FAM81A: variants seen among roughly 807,000 people sequenced by gnomAD.
The protein encoded by FAM81A is family with sequence similarity 81 member A.
In FAM81A, 19 loss-of-function variants were observed where a neutral mutation model predicts 46.7. The observed-to-expected ratio is 0.41, with a 90% CI of 0.28 to 0.60. The LOEUF is 0.60. FAM81A is among the 20% of genes least tolerant of loss of function. The probability of loss-of-function intolerance (pLI) is 0.34; values close to 1 mark genes in which losing one functional copy is unlikely to be tolerated. For missense variants in FAM81A, 377 were observed against 453.5 expected (o/e 0.83, Z 1.53); for synonymous variants, 183 against 152.9 (o/e 1.20, Z -1.45).
At chr15:59,426,409 C>T (rs2081194602) in intron 2 of FAM81A, among the ~76,000 whole-genome samples, 1 of 152,156 alleles carries the variant, frequency 6.6e-6, no homozygotes, top group Non-Finnish European at 1.5e-5. Flanking sequence ...AGTTCAAGAC[C>T]AGCCTGACCA....
chr15:59,457,802 A>G (rs1202565972), intron 1 of FAM81A, among the ~76,000 whole-genome samples: 1 of 152,228 alleles, frequency 6.6e-6, no homozygotes, highest in African/African-American at 2.4e-5. Flanking sequence ...ATGAGAATTA[A>G]TTATGGAATC....
intron 1 of FAM81A, among the ~76,000 whole-genome samples, chr15:59,451,356 G>A (rs529493143): frequency 2.0e-5 from 3 of 152,234 alleles, no homozygotes; most frequent in South Asian, 2.1e-4. Flanking sequence ...TTATCTTTAC[G>A]GCTAATGTCA....
intron 4 of FAM81A, among the ~76,000 whole-genome samples, chr15:59,497,772 A>G (rs575514205): frequency 1.2e-4 from 18 of 152,312 alleles, no homozygotes; most frequent in Non-Finnish European, 1.8e-4. Flanking sequence ...CTGTAGTTGC[A>G]GGGAGCTATG....
intron 3 of FAM81A, among the ~76,000 whole-genome samples, chr15:59,482,986 AG>A (rs1206693053): frequency 6.6e-6 from 1 of 152,184 alleles, no homozygotes; most frequent in African/African-American, 2.4e-5. Flanking sequence ...ATTGAGAAAA[AG>A]CTGGAAGCTA....
chr15:59,468,623 C>G, intron 3 of FAM81A, among the ~76,000 whole-genome samples: 1 of 150,270 alleles, frequency 6.7e-6, no homozygotes, highest in Non-Finnish European at 1.5e-5. Context: ...GTCTTGCTAG[C>G]AGTCTATCAA....
At chr15:59,401,951 C>G in intron 1 of FAM81A, 1 of 729,098 alleles carries the variant, frequency 1.4e-6, no homozygotes, top group Non-Finnish European at 2.5e-6. Flanking sequence ...CATGGTAATC[C>G]AAACAGTATC....
At chr15:59,408,101 G>A (rs575155876) in intron 2 of FAM81A, 37 of 161,298 alleles carry the variant, frequency 2.3e-4, no homozygotes, top group Middle Eastern at 2.9e-3. Context: ...GCTTCTTCGC[G>A]ACAGCAGCAG....
intron 3 of FAM81A, among the ~76,000 whole-genome samples, chr15:59,463,169 T>A (rs2081573039): frequency 1.3e-5 from 2 of 152,198 alleles, no homozygotes; most frequent in African/African-American, 2.4e-5. Flanking sequence ...GTGAACCATT[T>A]TGAGGTAATT....
At chr15:59,404,875 G>A (rs1209788295) in intron 2 of FAM81A, among the ~76,000 whole-genome samples, 2 of 152,194 alleles carry the variant, frequency 1.3e-5, no homozygotes, top group African/African-American at 4.8e-5. Flanking sequence ...CTCATGGCCA[G>A]TAAAGCTAGT....
rs560597005 is a variant in FAM81A at position 59,510,044 on chromosome 15, T to C, written c.650+1075T>C. The stretch of plus-strand genomic sequence containing the variant: ...GAGAATGGCAGACAAGCATACAGAA[T>C]TGATGAAAGAGAAATCTCAAACTTA... On this transcript the variant is annotated intron_variant, in intron 6 of 8. Transcript: ENST00000288228. 5.3e-5 allele frequency among the ~76,000 whole-genome samples: 8 copies of C among 152,036 alleles called. No individual in the cohort carries two copies. The South Asian group carries it at 1.5e-3, about 28-fold the overall frequency.
At chr15:59,461,406 G>A (rs967949645) in intron 3 of FAM81A, among the ~76,000 whole-genome samples, 7 of 151,998 alleles carry the variant, frequency 4.6e-5, no homozygotes, top group African/African-American at 1.5e-4. Flanking sequence ...CTGCATCGGC[G>A]TCCCAAGTAG....
intron 2 of FAM81A, among the ~76,000 whole-genome samples, chr15:59,414,051 T>C (rs960199565): frequency 2.6e-5 from 4 of 152,112 alleles, no homozygotes; most frequent in African/African-American, 4.8e-5. Flanking sequence ...TCTCCCGGGT[T>C]CAAGCGATTC....
At chr15:59,413,732 C>A (rs2081132952) in intron 2 of FAM81A, among the ~76,000 whole-genome samples, 1 of 152,002 alleles carries the variant, frequency 6.6e-6, no homozygotes, top group African/African-American at 2.4e-5. Context: ...CCAGCCTGGG[C>A]AGCATAGTGA....
chr15:59,401,770 AT>A (rs57470869), intron 1 of FAM81A: 123,501 of 684,204 alleles, frequency 0.18, 2,701 homozygotes, highest in East Asian at 0.31. Flanking sequence ...TCTTTTCAGC[AT>A]TTTTTTTTTT....
chr15:59,416,048 G>C (rs991088466), intron 2 of FAM81A, among the ~76,000 whole-genome samples: 2 of 152,204 alleles, frequency 1.3e-5, no homozygotes. Context: ...ACTTTGGAAA[G>C]TTTCAAACCA....
At chr15:59,479,678 G>T (rs1355294199) in intron 3 of FAM81A, among the ~76,000 whole-genome samples, 1 of 152,010 alleles carries the variant, frequency 6.6e-6, no homozygotes. Context: ...AAGTTCCAAG[G>T]CCATAAGTAG....
At chr15:59,491,052 C>T (rs1264432010) in intron 3 of FAM81A, among the ~76,000 whole-genome samples, 1 of 152,094 alleles carries the variant, frequency 6.6e-6, no homozygotes, top group African/African-American at 2.4e-5. Flanking sequence ...TTCAGCAATC[C>T]CACTGCTAGG....
At chr15:59,469,854 C>T (rs558298671) in intron 3 of FAM81A, among the ~76,000 whole-genome samples, 4 of 152,106 alleles carry the variant, frequency 2.6e-5, no homozygotes, top group Admixed American at 1.3e-4. Flanking sequence ...TGGCTGGTAC[C>T]GGTTGTTCCT....
At chr15:59,466,229 G>A (rs1369286086) in intron 3 of FAM81A, among the ~76,000 whole-genome samples, 1 of 152,158 alleles carries the variant, frequency 6.6e-6, no homozygotes, top group Non-Finnish European at 1.5e-5. Context: ...CCAGTAATGG[G>A]ATTGCTGGGT....
Sources: gnomAD v4.1 joint callset for allele counts (sites outside exome capture counted in the v4.1 genomes callset) on GRCh38, gnomAD v4.1.1 for gene constraint, MANE v1.5 for transcripts, NCBI Gene and HGNC (gene_info 2026-07-23, HGNC 2026-07-21) for gene names.